Variants in FHIT observed in about 807,000 individuals in gnomAD.
The protein encoded by FHIT is fragile histidine triad diadenosine triphosphatase, also known as bis(5'-adenosyl)-triphosphatase.
FHIT carries 19 observed loss-of-function variants against 17.9 expected under a neutral mutation model. The ratio of observed to expected loss-of-function variants is 1.06; its 90% CI spans 0.74 to 1.56. The LOEUF is 1.56. Ranked by LOEUF, FHIT falls within the 40% of genes most tolerant of loss-of-function variation. FHIT has a pLI of 0.00. For synonymous variants in FHIT, 81 were observed against 69.7 expected, an observed-to-expected ratio of 1.16 and a Z score of -0.81; for missense variants, 248 against 189.2, an observed-to-expected ratio of 1.31 and a Z score of -1.82.
At chr3:60,949,074 T>C (rs895456571) in intron 3 of FHIT, among the ~76,000 whole-genome samples, 3 of 152,132 alleles carry the variant, frequency 2.0e-5, no homozygotes, top group Non-Finnish European at 2.9e-5. Flanking sequence ...ACTCCTAGCA[T>C]ACAGTAGAAA....
chr3:60,676,790 C>A (rs2040629736), intron 4 of FHIT, among the ~76,000 whole-genome samples: 1 of 152,122 alleles, frequency 6.6e-6, no homozygotes, highest in South Asian at 2.1e-4. Flanking sequence ...CCAGGAGGTG[C>A]CATTATGTTT....
intron 8 of FHIT, among the ~76,000 whole-genome samples, chr3:59,755,295 C>T (rs1033176073): frequency 2.0e-5 from 3 of 152,168 alleles, no homozygotes; most frequent in South Asian, 2.1e-4. Context: ...TTTTTAATCT[C>T]TGCAGAAATA....
rs139500310 is a variant in FHIT, at chr3:60,093,347, C to G, written c.104-79195G>C. 7.8e-3 allele frequency among the ~76,000 whole-genome samples: 1,194 copies of G among 152,266 alleles called. 11 individuals are homozygous for G. Among genetic ancestry groups the G allele is most frequent in the African/African-American group, 0.027 (1,137 of 41,540 alleles). ...ATAATGGGACGAAACCATCTCACAT[C>G]ACATCACTCTGACCTGCTTTTCTGC... On this transcript the variant is annotated intron_variant, in intron 5 of 9. Transcript: ENST00000492590.
At chr3:60,748,897 T>G (rs781809668) in intron 4 of FHIT, among the ~76,000 whole-genome samples, 5 of 152,234 alleles carry the variant, frequency 3.3e-5, no homozygotes, top group Non-Finnish European at 7.3e-5. Flanking sequence ...TTGTATTGTT[T>G]AAGCAATAAT....
chr3:60,902,819 T>C (rs1706191901), intron 3 of FHIT, among the ~76,000 whole-genome samples: 3 of 152,166 alleles, frequency 2.0e-5, no homozygotes, highest in Non-Finnish European at 4.4e-5. Context: ...AAATTCCTTC[T>C]AGCCTAGGCC....
chr3:59,759,260 T>C (rs1256880060), intron 8 of FHIT, among the ~76,000 whole-genome samples: 2 of 145,454 alleles, frequency 1.4e-5, no homozygotes, highest in African/African-American at 5.3e-5. Flanking sequence ...GTTTGGATTT[T>C]ATTTTTGGTG....
At chr3:59,756,958 T>C (rs1701250458) in intron 8 of FHIT, among the ~76,000 whole-genome samples, 2 of 152,320 alleles carry the variant, frequency 1.3e-5, no homozygotes, top group South Asian at 4.1e-4. Context: ...TAATTGGCAG[T>C]GTTTTTCTTT....
intron 5 of FHIT, among the ~76,000 whole-genome samples, chr3:60,106,212 G>A (rs946914147): frequency 2.0e-5 from 3 of 152,150 alleles, no homozygotes; most frequent in African/African-American, 4.8e-5. Flanking sequence ...CTTAACGATA[G>A]CCCCACAGAA....
rs149154088 is a variant in FHIT at position 60,783,368 on chromosome 3, T to A, written c.-18+38551A>T. Reference sequence around the variant, plus strand: ...TGGAAGTTTAACATAGCCCACAGTCTGTAGTCAGAGGTCAGAGGAGTAAGG... The same window carrying A: ...TGGAAGTTTAACATAGCCCACAGTCAGTAGTCAGAGGTCAGAGGAGTAAGG... On this transcript the variant is annotated intron_variant, in intron 4 of 9. Transcript: ENST00000492590. Among the ~76,000 whole-genome samples the A allele has an allele frequency of 3.3e-5, 5 of 152,324 alleles. No homozygotes were observed. In the East Asian group the frequency reaches 9.7e-4, roughly 29 times the overall value.
At chr3:59,903,996 T>C (rs1427797220) in intron 8 of FHIT, among the ~76,000 whole-genome samples, 3 of 152,026 alleles carry the variant, frequency 2.0e-5, no homozygotes, top group African/African-American at 7.2e-5. Flanking sequence ...AAGTATGAGT[T>C]AGTTAGGGCC....
chr3:60,838,259 G>A (rs1702602070), intron 3 of FHIT, among the ~76,000 whole-genome samples: 1 of 152,080 alleles, frequency 6.6e-6, no homozygotes, highest in African/African-American at 2.4e-5. Context: ...GATTGCCTGA[G>A]CTCAGGAGTT....
intron 5 of FHIT, among the ~76,000 whole-genome samples, chr3:60,343,943 T>C (rs1710648339): frequency 6.6e-6 from 1 of 152,178 alleles, no homozygotes; most frequent in Non-Finnish European, 1.5e-5. Context: ...TGTCATCAAA[T>C]GTGACATAAT....
At chr3:59,950,432 C>A (rs988156814) in intron 7 of FHIT, among the ~76,000 whole-genome samples, 1 of 152,126 alleles carries the variant, frequency 6.6e-6, no homozygotes, top group African/African-American at 2.4e-5. Flanking sequence ...TTGGGCAAAT[C>A]CCCCTCCTCA....
intron 7 of FHIT, among the ~76,000 whole-genome samples, chr3:59,942,495 A>C (rs561884592): frequency 1.3e-5 from 2 of 152,264 alleles, no homozygotes; most frequent in South Asian, 4.1e-4. Flanking sequence ...TATTTACGAG[A>C]CAGAACAAAG....
At chr3:60,221,475 T>C (rs1021172203) in intron 5 of FHIT, among the ~76,000 whole-genome samples, 3 of 152,174 alleles carry the variant, frequency 2.0e-5, no homozygotes, top group African/African-American at 7.2e-5. Flanking sequence ...TAGACATCTG[T>C]GAAAATATCA....
intron 4 of FHIT, among the ~76,000 whole-genome samples, chr3:60,725,365 C>T (rs1172880726): frequency 6.6e-6 from 1 of 152,142 alleles, no homozygotes; most frequent in Non-Finnish European, 1.5e-5. Context: ...CATTGCCTAA[C>T]ACAAGGTCAT....
chr3:60,364,519 T>C (rs148041622), intron 5 of FHIT, among the ~76,000 whole-genome samples: 40 of 152,360 alleles, frequency 2.6e-4, no homozygotes, highest in Non-Finnish European at 4.9e-4. Context: ...CACTGAAGGC[T>C]TGAATGAATA....
chr3:61,210,379 G>C (rs949861348), intron 1 of FHIT, among the ~76,000 whole-genome samples: 1 of 152,216 alleles, frequency 6.6e-6, no homozygotes, highest in Non-Finnish European at 1.5e-5. Context: ...GCTGCCTTTT[G>C]TTTGTCTGTG....
intron 2 of FHIT, among the ~76,000 whole-genome samples, chr3:61,103,868 GA>G (rs1173045453): frequency 6.6e-6 from 1 of 151,594 alleles, no homozygotes; most frequent in African/African-American, 2.4e-5. Context: ...CAGAGACTAG[GA>G]TTTCAACCCC....
Sources: allele counts gnomAD v4.1 joint callset (sites outside exome capture counted in the v4.1 genomes callset), GRCh38; gene constraint gnomAD v4.1.1; transcripts MANE v1.5; gene names NCBI Gene and HGNC (gene_info 2026-07-23, HGNC 2026-07-21).